Variants in CAMK2D observed in about 807,000 individuals in gnomAD.
CAMK2D encodes the protein calcium/calmodulin-dependent protein kinase type II subunit delta.
CAMK2D carries 37 observed loss-of-function variants against 84.0 expected under a neutral mutation model. That is an observed-to-expected ratio of 0.44 (90% CI 0.34 to 0.58). The LOEUF (loss-of-function observed/expected upper bound fraction) is 0.58. CAMK2D is among the 20% of genes least tolerant of loss of function. The pLI is 0.02. For missense variants in CAMK2D, 448 were observed against 652.5 expected, an observed-to-expected ratio of 0.69 and a Z score of 3.41; for synonymous variants, 202 against 212.5, an observed-to-expected ratio of 0.95 and a Z score of 0.43.
chr4:113,579,183 T>C (rs910345303), intron 4 of CAMK2D, among the ~76,000 whole-genome samples: 2 of 152,236 alleles, frequency 1.3e-5, no homozygotes, highest in Admixed American at 1.3e-4. Context: ...AATTTTTCTG[T>C]AAGCAGAAAT....
intron 3 of CAMK2D, among the ~76,000 whole-genome samples, chr4:113,618,627 A>G (rs559155601): frequency 1.3e-5 from 2 of 152,184 alleles, no homozygotes; most frequent in Non-Finnish European, 2.9e-5. Flanking sequence ...ATAATATTAT[A>G]TTATCCAATA....
At chr4:113,462,947 A>T (rs1348097429) in intron 17 of CAMK2D, among the ~76,000 whole-genome samples, 2 of 152,222 alleles carry the variant, frequency 1.3e-5, no homozygotes, top group Admixed American at 6.5e-5. Context: ...TTTAAAAAGC[A>T]GGTTCTATGG....
At chr4:113,749,895 A>G (rs939748565) in intron 2 of CAMK2D, among the ~76,000 whole-genome samples, 31 of 152,340 alleles carry the variant, frequency 2.0e-4, no homozygotes, top group Admixed American at 6.5e-5. Context: ...TTTGACATGA[A>G]GTCTTAGTCA....
In CAMK2D at chr4:113,455,786, GAGA is replaced by G; in HGVS notation, c.1568_1570del (p.Phe523del). The stretch of plus-strand genomic sequence containing the variant: ...GTTTTGCCACAAAGAGGTGCCTCCT[GAGA>G]AGTTTTCTTTCCCATTTGGAATACA... On this transcript the variant is annotated inframe_deletion, in exon 20 of 21. Transcript: ENST00000511664. 6.2e-7 allele frequency: 1 copy of G among 1,612,400 alleles called. No homozygotes were observed. Among genetic ancestry groups the G allele is most frequent in the Non-Finnish European group, 8.5e-7 (1 of 1,178,656 alleles).
intron 3 of CAMK2D, among the ~76,000 whole-genome samples, chr4:113,612,618 T>C (rs1295178395): frequency 6.6e-6 from 1 of 152,190 alleles, no homozygotes; most frequent in Non-Finnish European, 1.5e-5. Context: ...ATGACGTTTT[T>C]AGAGAGAAAT....
At chr4:113,565,685 C>T (rs116127641) in intron 4 of CAMK2D, among the ~76,000 whole-genome samples, 7,836 of 146,684 alleles carry the variant, frequency 0.053, 585 homozygotes, top group African/African-American at 0.17. Context: ...ACAAAAAAAA[C>T]GAATAATTGA....
At chr4:113,661,581 C>A in intron 3 of CAMK2D, 132 bp downstream of exon 3, 3 of 459,810 alleles carry the variant, frequency 6.5e-6, no homozygotes, top group East Asian at 3.4e-5. Flanking sequence ...CAAATGTAAC[C>A]AAGATTGAAA....
At chr4:113,671,238 A>G (rs1424577675) in intron 2 of CAMK2D, among the ~76,000 whole-genome samples, 1 of 152,214 alleles carries the variant, frequency 6.6e-6, no homozygotes, top group Non-Finnish European at 1.5e-5. Flanking sequence ...ATAACTTTGG[A>G]TAACAATTTA....
chr4:113,496,438 C>A (rs1307857550), intron 16 of CAMK2D, among the ~76,000 whole-genome samples: 1 of 149,522 alleles, frequency 6.7e-6, no homozygotes. Flanking sequence ...TATTGGGACT[C>A]CCATTTGCTT....
chr4:113,610,792 T>A (rs2098996790), intron 3 of CAMK2D, among the ~76,000 whole-genome samples: 1 of 152,166 alleles, frequency 6.6e-6, no homozygotes, highest in Non-Finnish European at 1.5e-5. Context: ...CTTGTCACAG[T>A]GCCACCCTTG....
intron 4 of CAMK2D, among the ~76,000 whole-genome samples, chr4:113,596,696 C>T (rs543817042): frequency 6.6e-6 from 1 of 152,182 alleles, no homozygotes; most frequent in Non-Finnish European, 1.5e-5. Flanking sequence ...CAGTAGATCT[C>T]AATGCCAGGC....
At chr4:113,610,821 AT>A (rs2098996975) in intron 3 of CAMK2D, among the ~76,000 whole-genome samples, 1 of 152,000 alleles carries the variant, frequency 6.6e-6, no homozygotes, top group South Asian at 2.1e-4. Context: ...CATGCAGCAT[AT>A]TTTATCTTTA....
At chr4:113,669,870 T>C (rs1592764980) in intron 2 of CAMK2D, among the ~76,000 whole-genome samples, 1 of 152,184 alleles carries the variant, frequency 6.6e-6, no homozygotes, top group African/African-American at 2.4e-5. Flanking sequence ...CAGTACTCAG[T>C]AGGTCAGAGT....
chr4:113,693,801 T>G (rs1040143219), intron 2 of CAMK2D, among the ~76,000 whole-genome samples: 1 of 152,172 alleles, frequency 6.6e-6, no homozygotes, highest in Admixed American at 6.6e-5. Context: ...TGTTTGGAGA[T>G]TACTGAAAGG....
intron 2 of CAMK2D, among the ~76,000 whole-genome samples, chr4:113,699,445 C>T (rs948424022): frequency 3.3e-5 from 5 of 151,986 alleles, no homozygotes; most frequent in Admixed American, 6.6e-5. Context: ...ACTAAGAGGT[C>T]GGCTCTCACA....
intron 2 of CAMK2D, among the ~76,000 whole-genome samples, chr4:113,707,121 C>T (rs1046052601): frequency 1.1e-4 from 17 of 152,192 alleles, no homozygotes; most frequent in Middle Eastern, 3.4e-3. Context: ...CCACCATTCT[C>T]GTTGTGTTTT....
At chr4:113,577,450 C>T (rs995430647) in intron 4 of CAMK2D, among the ~76,000 whole-genome samples, 2 of 152,172 alleles carry the variant, frequency 1.3e-5, no homozygotes, top group African/African-American at 4.8e-5. Flanking sequence ...CTAAAACTCT[C>T]CATTCTCCCC....
chr4:113,633,212 C>T (rs76204542), intron 3 of CAMK2D, among the ~76,000 whole-genome samples: 2,406 of 152,252 alleles, frequency 0.016, 25 homozygotes, highest in Non-Finnish European at 0.024. Context: ...CATTATCTAC[C>T]TATCCATTTA....
intron 8 of CAMK2D, among the ~76,000 whole-genome samples, chr4:113,520,985 C>CA (rs2098350312): frequency 6.8e-6 from 1 of 147,628 alleles, no homozygotes; most frequent in African/African-American, 2.5e-5. Flanking sequence ...ACCATGATCA[C>CA]ATCACTGCAT....
Sources: allele counts gnomAD v4.1 joint callset (sites outside exome capture counted in the v4.1 genomes callset), GRCh38; gene constraint gnomAD v4.1.1; transcripts MANE v1.5; gene names NCBI Gene and HGNC (gene_info 2026-07-23, HGNC 2026-07-21).